The following RNF2 variants were observed in gnomAD, a reference collection of about 807,000 sequenced individuals.
RNF2 encodes ring finger protein 2.
A neutral mutation model predicts 37.2 loss-of-function variants in RNF2; 6 were observed. The observed-to-expected ratio is 0.16, with a 90% CI of 0.09 to 0.32. The LOEUF (loss-of-function observed/expected upper bound fraction) is 0.32, where lower values mean the gene tolerates loss of function less well. Ranked by LOEUF, RNF2 falls within the 10% of genes least tolerant of loss-of-function variation. The probability of loss-of-function intolerance (pLI) is 1.00; values close to 1 mark genes in which losing one functional copy is unlikely to be tolerated. For missense variants in RNF2, 251 were observed against 404.0 expected (o/e 0.62, Z 3.25); for synonymous variants, 133 against 132.7 (o/e 1.00, Z -0.02).
At chr1:185,087,680 G>A in intron 2 of RNF2, 40 bp downstream of exon 2, 1 of 1,394,132 alleles carries the variant, frequency 7.2e-7, no homozygotes, top group Admixed American at 1.7e-5. Flanking sequence ...TATGAGACGT[G>A]TAAACTGGGA....
chr1:185,061,858 C>A (rs1228807261), intron 1 of RNF2, among the ~76,000 whole-genome samples: 1 of 152,170 alleles, frequency 6.6e-6, no homozygotes, highest in Admixed American at 6.5e-5. Context: ...GTTTAGAGAG[C>A]TCTTGATGCT....
At position 185,065,004 on chromosome 1, in the gene RNF2, GATC is replaced by G. The variant is rs1650757756; in HGVS notation, c.-3+19358_-3+19360del. On this transcript the variant is annotated intron_variant, in intron 1 of 6. Coordinates refer to ENST00000367510, the MANE Select transcript of RNF2 (RefSeq NM_007212.4). Reference sequence around the variant, plus strand: ...AGTCTTCAGGGCTTTCTGCATATAAGATCATGTTGAGAGATGAAGCCAGCTGGA... The same window carrying G: ...AGTCTTCAGGGCTTTCTGCATATAAGATGTTGAGAGATGAAGCCAGCTGGA... Among the ~76,000 whole-genome samples, 6 of 152,256 alleles carry G rather than the reference GATC, an allele frequency of 3.9e-5. No individual in the cohort carries two copies. In the South Asian group the frequency reaches 1.2e-3, roughly 32 times the overall value.
At chr1:185,058,350 C>T (rs1650495920) in intron 1 of RNF2, among the ~76,000 whole-genome samples, 1 of 152,082 alleles carries the variant, frequency 6.6e-6, no homozygotes, top group Non-Finnish European at 1.5e-5. Context: ...CCCATGGATA[C>T]TCAGGGAGGA....
At chr1:185,057,706 A>G (rs995305640) in intron 1 of RNF2, among the ~76,000 whole-genome samples, 27 of 152,150 alleles carry the variant, frequency 1.8e-4, no homozygotes, top group Non-Finnish European at 3.5e-4. Context: ...CCTTCAGTCC[A>G]GGAGTGTCTA....
chr1:185,065,685 G>T (rs1379656163), intron 1 of RNF2, among the ~76,000 whole-genome samples: 2 of 152,058 alleles, frequency 1.3e-5, no homozygotes, highest in African/African-American at 4.8e-5. Flanking sequence ...ACCTCTGAAG[G>T]AACAAATTCC....
At chr1:185,099,456 A>G (rs1652013464) in intron 5 of RNF2, among the ~76,000 whole-genome samples, 1 of 152,152 alleles carries the variant, frequency 6.6e-6, no homozygotes, top group Non-Finnish European at 1.5e-5. Flanking sequence ...GATTCTGGTC[A>G]TTAGGGTTTG....
intron 1 of RNF2, among the ~76,000 whole-genome samples, chr1:185,081,516 C>T (rs1294300972): frequency 6.8e-6 from 1 of 146,412 alleles, no homozygotes; most frequent in East Asian, 2.0e-4. Context: ...GCCTCAGCCT[C>T]CTGAGTAGCT....
intron 1 of RNF2, among the ~76,000 whole-genome samples, chr1:185,050,009 T>TA (rs1650229414): frequency 6.6e-6 from 1 of 152,150 alleles, no homozygotes; most frequent in Non-Finnish European, 1.5e-5. Context: ...GTTGATGAAA[T>TA]ATAGTTGCAG....
rs1298069020 is a variant in RNF2, at chr1:185,101,510, G to T, written c.*1209G>T. Reference sequence around the variant, plus strand: ...TGTTTGGGAGCCAGAAAGCTTTGTTGACAGATCAGAAATAAGATTGACTTG... The same window carrying T: ...TGTTTGGGAGCCAGAAAGCTTTGTTTACAGATCAGAAATAAGATTGACTTG... On this transcript the variant is annotated 3_prime_UTR_variant, in exon 7 of 7. Transcript: ENST00000367510. 1 of 152,446 alleles carries T rather than the reference G, an allele frequency of 6.6e-6. No individual in the cohort carries two copies. Among genetic ancestry groups the T allele is most frequent in the Non-Finnish European group, 1.5e-5 (1 of 67,954 alleles). 9.4% of individuals were successfully genotyped at this position (152,446 alleles called of 1,614,324 possible).
chr1:185,048,597 A>G (rs1430195629), intron 1 of RNF2, among the ~76,000 whole-genome samples: 1 of 152,216 alleles, frequency 6.6e-6, no homozygotes, highest in Non-Finnish European at 1.5e-5. Flanking sequence ...AAGTGAAGTA[A>G]CCAGCCAAAT....
intron 1 of RNF2, among the ~76,000 whole-genome samples, chr1:185,053,581 G>A (rs950466729): frequency 6.6e-6 from 1 of 152,004 alleles, no homozygotes; most frequent in African/African-American, 2.4e-5. Context: ...TTGGACTCCT[G>A]GTCTCAAGCA....
rs776848826 is a variant in RNF2 at position 185,100,237 on chromosome 1, A to G, written c.947A>G (p.Glu316Gly). 2 of 1,611,314 alleles carry G rather than the reference A, an allele frequency of 1.2e-6. No individual in the cohort carries two copies. The highest frequency in any genetic ancestry group is 1.7e-6 in the Non-Finnish European group (2 of 1,179,060). ...NGSFSLELVS[E>G]KYWKVNKPME... ...TCTTTTTCTTTGGAATTGGTCAGTG[A>G]GAAATACTGGAAAGTGAACAAACCC... is the stretch of plus-strand genomic sequence containing the variant. Residue 316 changes from glutamate (E) to glycine (G), a missense_variant, in exon 7 of 7, where the codon GAG becomes GGG. Glu to Gly is a moderately conservative substitution (Grantham distance 98). This residue lies in a region of RNF2 where 59 missense variants were observed against 69.1 expected (regional missense o/e 0.85). Transcript: ENST00000367510.
At chr1:185,053,486 C>T (rs954597935) in intron 1 of RNF2, among the ~76,000 whole-genome samples, 1 of 152,014 alleles carries the variant, frequency 6.6e-6, no homozygotes, top group Admixed American at 6.6e-5. Flanking sequence ...AGGAGTGTGC[C>T]ACCATGCACT....
At chr1:185,099,268 G>A (rs1296176796) in intron 5 of RNF2, among the ~76,000 whole-genome samples, 33 of 151,882 alleles carry the variant, frequency 2.2e-4, no homozygotes, top group African/African-American at 7.5e-4. Flanking sequence ...GGCTGGTCTC[G>A]AACTCCTGAC....
chr1:185,054,534 A>G (rs999888602), intron 1 of RNF2, among the ~76,000 whole-genome samples: 1 of 151,488 alleles, frequency 6.6e-6, no homozygotes, highest in Admixed American at 6.6e-5. Context: ...CTCCATTACG[A>G]GCGCTCTTCC....
chr1:185,099,687 C>A, intron 5 of RNF2, 104 bp from the exon 6 acceptor site: 1 of 902,500 alleles, frequency 1.1e-6, no homozygotes, highest in Non-Finnish European at 1.7e-6. Flanking sequence ...TGAGACATTG[C>A]CATTTTACTT....
Position 185,099,887 on chromosome 1 carries a change from A to G in RNF2, c.834A>G (p.Ser278=). The change falls in exon 6 of 7, where the codon TCA becomes TCG. Residue 278 remains serine (S), a synonymous_variant. Coordinates refer to ENST00000367510, the MANE Select transcript of RNF2 (RefSeq NM_007212.4). ...ALEELRSKGE[S]NQMNLDTASE... is the part of the protein sequence containing the mutation. ...AAGAACTTCGAAGCAAAGGTGAATC[A>G]AACCAGATGAACCTTGATACAGCCA... 6.2e-7 allele frequency: 1 copy of G among 1,614,174 alleles called. No individual in the cohort carries two copies. Among genetic ancestry groups the G allele is most frequent in the Non-Finnish European group, 8.5e-7 (1 of 1,179,998 alleles).
At chr1:185,077,714 TG>T (rs1281206435) in intron 1 of RNF2, among the ~76,000 whole-genome samples, 1 of 150,926 alleles carries the variant, frequency 6.6e-6, no homozygotes. Context: ...TGTTTTGTTT[TG>T]TTTTTTTTTT....
intron 1 of RNF2, among the ~76,000 whole-genome samples, chr1:185,050,565 G>A (rs1650243348): frequency 6.6e-6 from 1 of 152,120 alleles, no homozygotes; most frequent in Non-Finnish European, 1.5e-5. Flanking sequence ...TTAGTACTGT[G>A]CACATAGATA....
Sources: gnomAD v4.1 joint callset for allele counts (sites outside exome capture counted in the v4.1 genomes callset) on GRCh38, gnomAD v4.1.1 for gene constraint, gnomAD v4.1.1 regional missense constraint, MANE v1.5 for transcripts, NCBI Gene and HGNC (gene_info 2026-07-23, HGNC 2026-07-21) for gene names.